Variants in DNAH5 observed in about 807,000 individuals in gnomAD.
DNAH5 encodes dynein axonemal heavy chain 5.
DNAH5 carries 372 observed loss-of-function variants against 518.2 expected under a neutral mutation model. The observed-to-expected ratio is 0.72, with a 90% CI of 0.66 to 0.78. The LOEUF (loss-of-function observed/expected upper bound fraction) is 0.78, where lower values mean the gene tolerates loss of function less well. Ranked by LOEUF, DNAH5 falls within the 30% of genes least tolerant of loss-of-function variation. The probability of loss-of-function intolerance (pLI) is 0.00; values close to 1 mark genes in which losing one functional copy is unlikely to be tolerated. For synonymous variants in DNAH5, 2,039 were observed against 2,025.9 expected (o/e 1.01, Z -0.17); for missense variants, 5,523 against 5,687.0 (o/e 0.97, Z 0.93).
At chr5:13,790,756 G>C (rs1455935832) in intron 50 of DNAH5, among the ~76,000 whole-genome samples, 1 of 152,160 alleles carries the variant, frequency 6.6e-6, no homozygotes, top group African/African-American at 2.4e-5. Flanking sequence ...TGAACTGTGA[G>C]TCAATTAAAC....
intron 78 of DNAH5, among the ~76,000 whole-genome samples, chr5:13,700,247 T>C (rs13156431): frequency 0.46 from 69,735 of 152,038 alleles, 17,027 homozygotes; most frequent in Non-Finnish European, 0.54. Context: ...CCACATTGTA[T>C]ATATTCTTCA....
chr5:13,717,590 T>TAGTAGA, intron 72 of DNAH5, 70 bp from the exon 73 acceptor site: 1 of 1,254,966 alleles, frequency 8.0e-7, no homozygotes, highest in Non-Finnish European at 1.1e-6. Flanking sequence ...CTTTTATAAG[T>TAGTAGA]AATCATTTTT....
chr5:13,717,870 TG>T (rs1417550892), intron 72 of DNAH5, among the ~76,000 whole-genome samples: 1 of 152,160 alleles, frequency 6.6e-6, no homozygotes, highest in African/African-American at 2.4e-5. Context: ...TTATTACTGT[TG>T]TTTTGAGCAT....
chr5:13,740,452 G>T (rs1319232536), intron 65 of DNAH5, among the ~76,000 whole-genome samples: 1 of 152,120 alleles, frequency 6.6e-6, no homozygotes, highest in African/African-American at 2.4e-5. Context: ...CATTACTGCT[G>T]GGACTTCATT....
At chr5:13,962,296 G>A (rs536130256) in intron 1 of DNAH5, among the ~76,000 whole-genome samples, 8 of 152,220 alleles carry the variant, frequency 5.3e-5, no homozygotes, top group Admixed American at 2.6e-4. Context: ...ATGACATAAC[G>A]CAAGTTTTTC....
rs1405491056 is a variant in DNAH5 at position 13,707,823 on chromosome 5, G to A, written c.13338+300C>T. ...CTTGGACTACTTAGATGTGTAATCT[G>A]AGAAAAGACTTAACCTGTCCCAAAC... On this transcript the variant is annotated intron_variant, in intron 76 of 78. Transcript: ENST00000265104. The surrounding 1 kb of genome is among the most constrained non-coding windows in gnomAD (Gnocchi z 4.0). Among the ~76,000 whole-genome samples, 1 of 152,078 alleles carries A rather than the reference G, an allele frequency of 6.6e-6. No homozygotes were observed.
chr5:13,785,662 T>C (rs145177517), intron 52 of DNAH5, among the ~76,000 whole-genome samples: 1,968 of 152,326 alleles, frequency 0.013, 16 homozygotes, highest in Middle Eastern at 0.02. Flanking sequence ...CATTTAACAC[T>C]AACTCCCCAA....
chr5:13,948,849 G>A (rs1780136591), upstream of DNAH5, among the ~76,000 whole-genome samples: 1 of 152,132 alleles, frequency 6.6e-6, no homozygotes, highest in African/African-American at 2.4e-5. Context: ...ATTCAATAGA[G>A]GGAGGTGGAA....
chr5:13,778,490 GGAA>G lies in DNAH5; in HGVS notation c.8952-1138_8952-1136del, dbSNP rs1367703419. On this transcript the variant is annotated intron_variant, in intron 53 of 78. Coordinates refer to ENST00000265104, the MANE Select transcript of DNAH5 (RefSeq NM_001369.3). ...GAGAAGGAAGGAAAGAAGGAAGGAAGGAAGGAAGGGAGGGAGGGAGGGAGGGGA... is the reference window on the plus strand; with the variant it reads ...GAGAAGGAAGGAAAGAAGGAAGGAAGGGAAGGGAGGGAGGGAGGGAGGGGA... 8.0e-3 allele frequency among the ~76,000 whole-genome samples: 874 copies of G among 109,560 alleles called. 19 individuals carry two copies. The highest frequency in any genetic ancestry group is 0.039 in the Middle Eastern group (10 of 258). 71.9% of individuals were successfully genotyped at this position (109,560 alleles called of 152,430 possible). A position where few individuals can be genotyped will look rare whatever the true frequency, so the allele number is the denominator to read the frequency against.
intron 61 of DNAH5, among the ~76,000 whole-genome samples, chr5:13,755,951 G>T (rs150941598): frequency 2.0e-3 from 312 of 152,304 alleles, no homozygotes; most frequent in African/African-American, 7.1e-3. Flanking sequence ...AGGAGTAAAT[G>T]TTGACAATGC....
chr5:13,769,110 T>C lies in DNAH5; in HGVS notation c.9747A>G (p.Ala3249=). 2.5e-6 allele frequency: 4 copies of C among 1,614,210 alleles called. No homozygotes were observed. Among genetic ancestry groups the C allele is most frequent in the African/African-American group, 1.3e-5 (1 of 75,074 alleles). Residue 3249 remains alanine (A), a synonymous_variant, in exon 58 of 79, where the codon GCA becomes GCG. Coordinates refer to ENST00000265104, the MANE Select transcript of DNAH5 (RefSeq NM_001369.3). ...DMVLKEVTMK[A]QAAEKVKAEV... ...CAGCCTTGACCTTTTCAGCAGCCTG[T>C]GCTTTCATTGTCACTTCTTTTAAGA...
intron 31 of DNAH5, 111 bp from the exon 32 acceptor site, chr5:13,845,104 C>T (rs1416660310): frequency 1.4e-5 from 15 of 1,036,288 alleles, no homozygotes; most frequent in Non-Finnish European, 1.4e-5. Context: ...TTGTGACAAT[C>T]TGATTTTCCT....
At chr5:13,956,001 C>A (rs561792447) in intron 1 of DNAH5, among the ~76,000 whole-genome samples, 43 of 152,160 alleles carry the variant, frequency 2.8e-4, no homozygotes, top group Non-Finnish European at 6.2e-4. Context: ...CTCCTACCTT[C>A]CCTGCAAACC....
intron 61 of DNAH5, among the ~76,000 whole-genome samples, chr5:13,757,404 G>C (rs1015813771): frequency 6.6e-6 from 1 of 152,160 alleles, no homozygotes; most frequent in Non-Finnish European, 1.5e-5. Flanking sequence ...ATTCTGACTG[G>C]TGTGAGATGG....
chr5:14,004,351 G>T (rs748316280), intron 1 of DNAH5, among the ~76,000 whole-genome samples: 131 of 152,292 alleles, frequency 8.6e-4, no homozygotes, highest in Non-Finnish European at 1.8e-4. Context: ...AAAGGCTTTT[G>T]CTGCCTATAC....
At chr5:13,740,951 T>C (rs953074662) in intron 65 of DNAH5, among the ~76,000 whole-genome samples, 1 of 152,224 alleles carries the variant, frequency 6.6e-6, no homozygotes, top group Middle Eastern at 3.2e-3. Context: ...TGTTAGTCTA[T>C]TTTGTTCATT....
intron 18 of DNAH5, 21 bp from the exon 19 acceptor site, chr5:13,885,249 T>C (rs1027787814): frequency 1.2e-6 from 2 of 1,612,980 alleles, no homozygotes; most frequent in African/African-American, 1.3e-5. Flanking sequence ...ATGAAAGAGA[T>C]AGAGATAGAG....
At position 13,748,538 on chromosome 5, in the gene DNAH5, A is replaced by G. The variant is rs369847955; in HGVS notation, c.11211+2540T>C. 2.6e-4 allele frequency among the ~76,000 whole-genome samples: 40 copies of G among 152,096 alleles called. No individual in the cohort carries two copies. In the East Asian group the frequency reaches 3.3e-3, roughly 12 times the overall value. On this transcript the variant is annotated intron_variant, in intron 65 of 78. Transcript: ENST00000265104. ...ATGGAATGTTCTTCCATTTGTTTGT[A>G]TCCTCTTTTATTTCGTTTAGCAGTG...
chr5:13,718,181 A>G (rs1338541913), intron 72 of DNAH5, among the ~76,000 whole-genome samples: 1 of 152,198 alleles, frequency 6.6e-6, no homozygotes, highest in Non-Finnish European at 1.5e-5. Context: ...TGGTTATCAA[A>G]TACATGATTT....
Sources: gnomAD v4.1 joint callset for allele counts (sites outside exome capture counted in the v4.1 genomes callset) on GRCh38, gnomAD v4.1.1 for gene constraint, Gnocchi (gnomAD v3.1) non-coding constraint, MANE v1.5 for transcripts, NCBI Gene and HGNC (gene_info 2026-07-23, HGNC 2026-07-21) for gene names.